Variants in CCDC85A observed in about 807,000 individuals in gnomAD.
CCDC85A encodes coiled-coil domain-containing protein 85A.
In CCDC85A, 38 loss-of-function variants were observed where a neutral mutation model predicts 50.2. That is an observed-to-expected ratio of 0.76 (90% CI 0.58 to 0.99). CCDC85A has a LOEUF of 0.99. Ranked by LOEUF, CCDC85A falls within the 50% of genes least tolerant of loss-of-function variation. The pLI is 0.00. For missense variants in CCDC85A, 820 were observed against 742.0 expected, an observed-to-expected ratio of 1.11 and a Z score of -1.22; for synonymous variants, 366 against 301.4, an observed-to-expected ratio of 1.21 and a Z score of -2.22.
At chr2:56,187,930 A>C (rs769167784) in intron 1 of CCDC85A, among the ~76,000 whole-genome samples, 2 of 152,190 alleles carry the variant, frequency 1.3e-5, no homozygotes, top group South Asian at 2.1e-4. Flanking sequence ...TCATTGCATT[A>C]ATTTCCCTCC....
At chr2:56,321,194 G>A (rs2104260276) in intron 2 of CCDC85A, among the ~76,000 whole-genome samples, 1 of 152,142 alleles carries the variant, frequency 6.6e-6, no homozygotes, top group East Asian at 1.9e-4. Flanking sequence ...ATACTGAATG[G>A]GCAAAAACTG....
At position 56,192,872 on chromosome 2, in the gene CCDC85A, C is replaced by T. The variant is rs1225141280; in HGVS notation, c.672C>T (p.His224=). 1.9e-6 allele frequency: 3 copies of T among 1,613,128 alleles called. No individual in the cohort carries two copies. The highest frequency in any genetic ancestry group is 1.7e-6 in the Non-Finnish European group (2 of 1,179,582). The change falls in exon 2 of 6, where the codon CAC becomes CAT. Residue 224 remains histidine (H), a synonymous_variant. Coordinates refer to ENST00000407595, the MANE Select transcript of CCDC85A (RefSeq NM_001080433.2). This position sits in a 1 kb window ranked among gnomAD's most constrained non-coding sequence, Gnocchi z 4.7. ...CTGGCAGCACTGACAGCCCGGACCACCACAAGCACCACGCGAGCAGTGGCA... is the reference window on the plus strand; with the variant it reads ...CTGGCAGCACTGACAGCCCGGACCATCACAAGCACCACGCGAGCAGTGGCA... ...SSTGSTDSPD[H]HKHHASSGSP...
intron 2 of CCDC85A, among the ~76,000 whole-genome samples, chr2:56,276,891 A>G (rs918628686): frequency 2.0e-5 from 3 of 152,204 alleles, no homozygotes; most frequent in African/African-American, 4.8e-5. Context: ...TTAGCCAGGC[A>G]TCGTCTGTTC....
At chr2:56,215,549 G>A (rs979334691) in intron 2 of CCDC85A, among the ~76,000 whole-genome samples, 2 of 149,066 alleles carry the variant, frequency 1.3e-5, no homozygotes, top group Non-Finnish European at 3.0e-5. Context: ...AGTTGAGGAA[G>A]TTCCCTTCTA....
intron 5 of CCDC85A, among the ~76,000 whole-genome samples, chr2:56,381,198 G>A (rs989907366): frequency 6.6e-6 from 1 of 152,022 alleles, no homozygotes; most frequent in Non-Finnish European, 1.5e-5. Context: ...AGGACATCTA[G>A]TTCTAGATGT....
intron 3 of CCDC85A, among the ~76,000 whole-genome samples, chr2:56,368,567 A>G: frequency 1.3e-5 from 2 of 152,254 alleles, no homozygotes; most frequent in Middle Eastern, 3.4e-3. Context: ...TGATAGTTTA[A>G]CCAAGTTCAG....
At chr2:56,354,904 G>C (rs1489856437) in intron 3 of CCDC85A, among the ~76,000 whole-genome samples, 1 of 152,156 alleles carries the variant, frequency 6.6e-6, no homozygotes, top group African/African-American at 2.4e-5. Flanking sequence ...AGCCACAATT[G>C]TAAACATAGC....
chr2:56,245,798 A>G (rs991087461), intron 2 of CCDC85A, among the ~76,000 whole-genome samples: 3 of 152,188 alleles, frequency 2.0e-5, no homozygotes, highest in African/African-American at 7.2e-5. Context: ...AAGAGGCTTC[A>G]TATAGCATTT....
At chr2:56,248,591 T>A (rs1669613908) in intron 2 of CCDC85A, among the ~76,000 whole-genome samples, 1 of 152,192 alleles carries the variant, frequency 6.6e-6, no homozygotes, top group Non-Finnish European at 1.5e-5. Flanking sequence ...AACAAGTGGC[T>A]TCCGACAAGG....
intron 2 of CCDC85A, among the ~76,000 whole-genome samples, chr2:56,222,237 G>C (rs1170631727): frequency 6.6e-6 from 1 of 152,046 alleles, no homozygotes; most frequent in Non-Finnish European, 1.5e-5. Context: ...GAGTATTACA[G>C]TGTAGACACT....
At chr2:56,225,420 C>G (rs10180643) in intron 2 of CCDC85A, among the ~76,000 whole-genome samples, 16,908 of 151,646 alleles carry the variant, frequency 0.11, 1,142 homozygotes, top group African/African-American at 0.2. Context: ...AAGGAGAGTG[C>G]GTCTCAAAAA....
rs72916170 is a variant in CCDC85A, at chr2:56,366,458, G to T, written c.1318-5886G>T. 5.4e-3 allele frequency among the ~76,000 whole-genome samples: 819 copies of T among 152,262 alleles called. 6 individuals carry two copies. Among genetic ancestry groups the T allele is most frequent in the African/African-American group, 0.018 (765 of 41,552 alleles). The stretch of plus-strand genomic sequence containing the variant: ...TAATAGTCATTTTAAAAGGCATGAG[G>T]TGATCTCATTGTGGTTTTAATTTGT... On this transcript the variant is annotated intron_variant, in intron 3 of 5. Transcript: ENST00000407595.
intron 2 of CCDC85A, among the ~76,000 whole-genome samples, chr2:56,281,877 A>T (rs1173333309): frequency 6.6e-6 from 1 of 152,168 alleles, no homozygotes; most frequent in Non-Finnish European, 1.5e-5. Context: ...CTCAATCTGT[A>T]GCTTGACCTG....
intron 2 of CCDC85A, among the ~76,000 whole-genome samples, chr2:56,193,796 G>C (rs1676421185): frequency 6.6e-6 from 1 of 152,114 alleles, no homozygotes; most frequent in Non-Finnish European, 1.5e-5. Flanking sequence ...TTTTCTTAGT[G>C]GTGTGTGCTG....
chr2:56,268,795 C>A (rs1670573258), intron 2 of CCDC85A, among the ~76,000 whole-genome samples: 1 of 152,006 alleles, frequency 6.6e-6, no homozygotes, highest in South Asian at 2.1e-4. Flanking sequence ...ATACTCTGAT[C>A]ATTTCATACA....
chr2:56,322,625 A>T (rs1673261979), intron 2 of CCDC85A, among the ~76,000 whole-genome samples: 1 of 152,330 alleles, frequency 6.6e-6, no homozygotes, highest in Middle Eastern at 3.4e-3. Flanking sequence ...AATGGCGATC[A>T]TTAAAAAGTC....
At chr2:56,275,930 C>G (rs1270629484) in intron 2 of CCDC85A, among the ~76,000 whole-genome samples, 1 of 151,992 alleles carries the variant, frequency 6.6e-6, no homozygotes, top group Non-Finnish European at 1.5e-5. Context: ...TCCCTTTTTG[C>G]TAATTAGGAG....
chr2:56,221,966 C>A (rs368650182), intron 2 of CCDC85A, among the ~76,000 whole-genome samples: 80 of 152,140 alleles, frequency 5.3e-4, no homozygotes, highest in African/African-American at 1.9e-3. Flanking sequence ...GAAGCAAGTG[C>A]ACAAGACAGA....
intron 2 of CCDC85A, among the ~76,000 whole-genome samples, chr2:56,213,103 G>C (rs1453359146): frequency 6.6e-6 from 1 of 151,988 alleles, no homozygotes; most frequent in Non-Finnish European, 1.5e-5. Context: ...GTGTAGAGGA[G>C]ATATAATATC....
Sources: allele counts gnomAD v4.1 joint callset (sites outside exome capture counted in the v4.1 genomes callset), GRCh38; gene constraint gnomAD v4.1.1; non-coding constraint Gnocchi (gnomAD v3.1); transcripts MANE v1.5; gene names NCBI Gene and HGNC (gene_info 2026-07-23, HGNC 2026-07-21).